LAMA1: variants seen among roughly 807,000 people sequenced by gnomAD.
The protein encoded by LAMA1 is laminin subunit alpha 1, also known as laminin subunit alpha-1.
In LAMA1, 219 loss-of-function variants were observed where a neutral mutation model predicts 348.7. That is an observed-to-expected ratio of 0.63 (90% CI 0.56 to 0.70). LAMA1 has a LOEUF of 0.70. LAMA1 is among the 30% of genes least tolerant of loss of function. The pLI is 0.00. For missense variants in LAMA1, 3,744 were observed against 3,888.0 expected (o/e 0.96, Z 0.99); for synonymous variants, 1,487 against 1,491.0 (o/e 1.00, Z 0.06).
In LAMA1 at chr18:7,080,390, C is replaced by T. The variant is rs1449500168; in HGVS notation, c.129G>A (p.Glu43=). 1 of 1,614,276 alleles carries T rather than the reference C, an allele frequency of 6.2e-7. No homozygotes were observed. The highest frequency in any genetic ancestry group is 1.7e-5 in the Admixed American group (1 of 60,036). ...AHISTNATCG[E]KGPEMFCKLV... ...GTTTGCAGAACATCTCCGGCCCCTT[C>T]TCGCCACAGGTGGCATTGGTGCTGA... The change falls in exon 2 of 63, where the codon GAG becomes GAA. Residue 43 remains glutamate, a synonymous_variant. Coordinates refer to ENST00000389658, the MANE Select transcript of LAMA1 (RefSeq NM_005559.4).
At chr18:7,035,328 C>T (rs981741378) in intron 13 of LAMA1, among the ~76,000 whole-genome samples, 1 of 151,988 alleles carries the variant, frequency 6.6e-6, no homozygotes, top group Non-Finnish European at 1.5e-5. Flanking sequence ...CAAGTACTGC[C>T]TAATCCATTC....
At chr18:6,979,889 A>G (rs563910917) in intron 42 of LAMA1, among the ~76,000 whole-genome samples, 11 of 152,178 alleles carry the variant, frequency 7.2e-5, no homozygotes, top group South Asian at 4.2e-4. Flanking sequence ...ACAGAGCGAG[A>G]CTCTGTCTCA....
chr18:7,081,328 G>A (rs2058192608), intron 1 of LAMA1, among the ~76,000 whole-genome samples: 1 of 152,148 alleles, frequency 6.6e-6, no homozygotes, highest in African/African-American at 2.4e-5. Flanking sequence ...TCTTTCACTT[G>A]AAAGAAGGGC....
intron 18 of LAMA1, among the ~76,000 whole-genome samples, chr18:7,024,050 G>C (rs80020724): frequency 1.3e-5 from 2 of 150,712 alleles, no homozygotes; most frequent in Non-Finnish European, 2.9e-5. Context: ...TACCACGTTG[G>C]TCAGGCTGGT....
At chr18:6,984,453 C>T (rs1228710724) in intron 39 of LAMA1, among the ~76,000 whole-genome samples, 1 of 152,122 alleles carries the variant, frequency 6.6e-6, no homozygotes, top group Non-Finnish European at 1.5e-5. Flanking sequence ...AACTTTGGTT[C>T]CCACATTTGC....
intron 1 of LAMA1, among the ~76,000 whole-genome samples, chr18:7,092,610 C>T (rs1010744248): frequency 5.2e-5 from 7 of 134,170 alleles, no homozygotes; most frequent in African/African-American, 8.6e-5. Flanking sequence ...GGCAACAGAG[C>T]GAGTCTCTGT....
At chr18:7,105,204 C>T (rs183988852) in intron 1 of LAMA1, among the ~76,000 whole-genome samples, 2 of 152,090 alleles carry the variant, frequency 1.3e-5, no homozygotes, top group African/African-American at 4.8e-5. Context: ...TTCAAGAGGC[C>T]GAGGCAGGTG....
At chr18:7,099,522 C>A in intron 1 of LAMA1, among the ~76,000 whole-genome samples, 1 of 151,370 alleles carries the variant, frequency 6.6e-6, no homozygotes, top group East Asian at 1.9e-4. Flanking sequence ...ACCCTGACTC[C>A]TTACCATACA....
intron 23 of LAMA1, among the ~76,000 whole-genome samples, chr18:7,013,413 T>C (rs894204087): frequency 6.6e-6 from 1 of 152,054 alleles, no homozygotes; most frequent in Admixed American, 6.6e-5. Context: ...GTCTTACCTC[T>C]TGGGAAAATA....
chr18:7,014,935 C>T (rs555071963), intron 22 of LAMA1, among the ~76,000 whole-genome samples: 39 of 152,194 alleles, frequency 2.6e-4, no homozygotes, highest in Middle Eastern at 6.8e-3. Context: ...CAAGCTCCGC[C>T]TCCCGGGTTC....
At chr18:7,019,590 C>T (rs1348251126) in intron 19 of LAMA1, among the ~76,000 whole-genome samples, 1 of 150,556 alleles carries the variant, frequency 6.6e-6, no homozygotes, top group Non-Finnish European at 1.5e-5. Context: ...GTGAAATCTA[C>T]AACTTGGAAA....
At chr18:6,952,894 T>A (rs1187524909) in intron 57 of LAMA1, among the ~76,000 whole-genome samples, 3 of 149,742 alleles carry the variant, frequency 2.0e-5, no homozygotes, top group African/African-American at 7.4e-5. Flanking sequence ...TGTCTGCCTG[T>A]GTCCAGCAGA....
intron 9 of LAMA1, among the ~76,000 whole-genome samples, chr18:7,040,795 G>A: frequency 6.6e-6 from 1 of 152,160 alleles, no homozygotes; most frequent in East Asian, 1.9e-4. Context: ...TCCATACTAT[G>A]AAATATTATT....
chr18:6,979,783 C>T (rs2057701427), intron 42 of LAMA1, among the ~76,000 whole-genome samples: 1 of 151,896 alleles, frequency 6.6e-6, no homozygotes, highest in Admixed American at 6.6e-5. Flanking sequence ...CCTGTAGTCC[C>T]AGCTACTCGG....
chr18:6,966,688 T>C (rs2057634861), intron 48 of LAMA1, among the ~76,000 whole-genome samples: 1 of 152,188 alleles, frequency 6.6e-6, no homozygotes, highest in Non-Finnish European at 1.5e-5. Context: ...CTGATGAGGT[T>C]TTATCTAATA....
chr18:7,055,041 A>T, intron 3 of LAMA1, among the ~76,000 whole-genome samples: 1 of 152,002 alleles, frequency 6.6e-6, no homozygotes, highest in East Asian at 1.9e-4. Context: ...ACGGAAGTCA[A>T]ATGTTATTCA....
chr18:7,060,785 G>A (rs1160740579), intron 3 of LAMA1, among the ~76,000 whole-genome samples: 6 of 152,120 alleles, frequency 3.9e-5, no homozygotes, highest in African/African-American at 9.7e-5. Flanking sequence ...ATTTCAAAAG[G>A]AGCCCACCCC....
chr18:6,986,401 C>T, intron 36 of LAMA1, 54 bp from the exon 37 acceptor site: 1 of 1,559,122 alleles, frequency 6.4e-7, no homozygotes, highest in South Asian at 1.1e-5. Flanking sequence ...AAGCTCCTAT[C>T]TCTGAAATAA....
At chr18:6,978,589 T>C (rs1288523300) in intron 42 of LAMA1, among the ~76,000 whole-genome samples, 1 of 152,206 alleles carries the variant, frequency 6.6e-6, no homozygotes, top group Non-Finnish European at 1.5e-5. Flanking sequence ...ATATTAAAGC[T>C]GCATATCATA....
Sources: gnomAD v4.1 joint callset for allele counts (sites outside exome capture counted in the v4.1 genomes callset) on GRCh38, gnomAD v4.1.1 for gene constraint, MANE v1.5 for transcripts, NCBI Gene and HGNC (gene_info 2026-07-23, HGNC 2026-07-21) for gene names.